Variants in VPS54 observed in about 807,000 individuals in gnomAD.
The protein encoded by VPS54 is VPS54 subunit of GARP complex.
Under a neutral mutation model 121.5 loss-of-function variants are expected in VPS54, and 45 were observed. That is an observed-to-expected ratio of 0.37 (90% CI 0.29 to 0.47). VPS54 has a LOEUF of 0.47. Ranked by LOEUF, VPS54 falls within the 20% of genes least tolerant of loss-of-function variation. The pLI is 0.99. For synonymous variants in VPS54, 371 were observed against 385.8 expected, an observed-to-expected ratio of 0.96 and a Z score of 0.45; for missense variants, 1,090 against 1,131.4, an observed-to-expected ratio of 0.96 and a Z score of 0.52.
At chr2:63,967,505 G>A (rs983879091) in intron 5 of VPS54, among the ~76,000 whole-genome samples, 2 of 151,892 alleles carry the variant, frequency 1.3e-5, no homozygotes, top group African/African-American at 4.8e-5. Flanking sequence ...CTTGAAGTCA[G>A]AAGTTTGAGA....
Position 63,999,666 on chromosome 2 carries a change from C to G in VPS54, c.-20-15647G>C, listed in dbSNP as rs538594249. On this transcript the variant is annotated intron_variant, in intron 1 of 22. Transcript: ENST00000272322. Reference sequence around the variant, plus strand: ...GAGAAGTTCTCTGTTATTATTCCTTCGAATAAACTTTTTACCCCTATCTCT... The same window carrying G: ...GAGAAGTTCTCTGTTATTATTCCTTGGAATAAACTTTTTACCCCTATCTCT... Among the ~76,000 whole-genome samples, 5 of 152,236 alleles carry G rather than the reference C, an allele frequency of 3.3e-5. No homozygotes were observed. The South Asian group carries it at 1.0e-3, about 32-fold the overall frequency.
At chr2:63,928,837 A>G (rs1371132372) in intron 12 of VPS54, among the ~76,000 whole-genome samples, 1 of 107,396 alleles carries the variant, frequency 9.3e-6, no homozygotes, top group Non-Finnish European at 1.7e-5. Flanking sequence ...AATGGAAAGC[A>G]AAAAAAAAAA....
chr2:63,985,854 ACATT>A (rs1677027367), intron 1 of VPS54, among the ~76,000 whole-genome samples: 1 of 152,216 alleles, frequency 6.6e-6, no homozygotes, highest in African/African-American at 2.4e-5. Flanking sequence ...ATATCCACAC[ACATT>A]AAGTGTATGG....
At chr2:63,927,167 C>G (rs1673945438) in intron 12 of VPS54, among the ~76,000 whole-genome samples, 1 of 152,192 alleles carries the variant, frequency 6.6e-6, no homozygotes, top group Admixed American at 6.5e-5. Flanking sequence ...TCTCCCAGCA[C>G]AGTGTTCGAG....
chr2:63,899,418 C>A, intron 21 of VPS54, 56 bp downstream of exon 21: 1 of 1,486,358 alleles, frequency 6.7e-7, no homozygotes. Context: ...CACCCCAATT[C>A]TGTACAGATA....
chr2:63,930,229 A>G (rs1330094640), intron 12 of VPS54, among the ~76,000 whole-genome samples: 1 of 152,234 alleles, frequency 6.6e-6, no homozygotes, highest in Non-Finnish European at 1.5e-5. Flanking sequence ...ATTTTAGGCC[A>G]ATATCCCTGA....
chr2:63,991,876 A>C (rs1575999519), intron 1 of VPS54, among the ~76,000 whole-genome samples: 1 of 152,138 alleles, frequency 6.6e-6, no homozygotes, highest in Non-Finnish European at 1.5e-5. Context: ...TTCTCAGTAC[A>C]ATGCTTGTCC....
In VPS54 at chr2:64,019,224, A is replaced by G. The variant is rs1397135704; in HGVS notation, c.-307T>C. On this transcript the variant is annotated 5_prime_UTR_variant, in exon 1 of 23. Coordinates refer to ENST00000272322, the MANE Select transcript of VPS54 (RefSeq NM_016516.3). ...AGCCAGCAGTTTCCCCCGGGTCCGC[A>G]GCGCCGCCTCCGCCGCTGCTGCCAC... Among the ~76,000 whole-genome samples, 3 of 149,578 alleles carry G rather than the reference A, an allele frequency of 2.0e-5. No individual in the cohort carries two copies. Among genetic ancestry groups the G allele is most frequent in the African/African-American group, 7.3e-5 (3 of 40,886 alleles).
chr2:63,994,617 G>A (rs1019673219), intron 1 of VPS54, among the ~76,000 whole-genome samples: 1 of 152,216 alleles, frequency 6.6e-6, no homozygotes. Flanking sequence ...AGTCTGGGCT[G>A]CTTATCTTCC....
At chr2:63,921,491 C>CA (rs1364694925) in intron 12 of VPS54, among the ~76,000 whole-genome samples, 156 bp from the exon 13 acceptor site, 1 of 152,074 alleles carries the variant, frequency 6.6e-6, no homozygotes, top group African/African-American at 2.4e-5. Context: ...TATAGTGAAA[C>CA]ATTACTTAAA....
intron 1 of VPS54, among the ~76,000 whole-genome samples, chr2:64,005,455 G>A (rs1297479460): frequency 3.3e-5 from 5 of 152,094 alleles, no homozygotes; most frequent in Admixed American, 2.6e-4. Flanking sequence ...CAATAAATGA[G>A]CATAAATTAA....
At chr2:63,972,633 C>T (rs972277879) in intron 3 of VPS54, among the ~76,000 whole-genome samples, 59 of 152,220 alleles carry the variant, frequency 3.9e-4, no homozygotes, top group Non-Finnish European at 2.2e-4. Context: ...CACCTGTAAT[C>T]TCAGCACTTT....
rs35629837 is a variant in VPS54 at position 64,008,413 on chromosome 2, C to CA, written c.-21+10524dup. Among the ~76,000 whole-genome samples, 165 of 135,714 alleles carry CA rather than the reference C, an allele frequency of 1.2e-3. 3 individuals carry two copies. The highest frequency in any genetic ancestry group is 0.01 in the East Asian group (43 of 4,168). The allele number at this position is 135,714 out of a possible 152,430, so 89.0% of individuals were successfully genotyped here. A position where few individuals can be genotyped will look rare whatever the true frequency, so the allele number is the denominator to read the frequency against. ...TGGGTGACAGAGCGCGACTCCGTCT[C>CA]AAAAAAAAAAAAAAGGAACAAGTAA... On this transcript the variant is annotated intron_variant, in intron 1 of 22. Coordinates refer to ENST00000272322, the MANE Select transcript of VPS54 (RefSeq NM_016516.3).
At chr2:63,961,380 G>C (rs939113433) in intron 7 of VPS54, among the ~76,000 whole-genome samples, 7 of 152,136 alleles carry the variant, frequency 4.6e-5, no homozygotes, top group African/African-American at 1.7e-4. Context: ...TTAAGTTACA[G>C]AGCACATCTT....
chr2:64,009,596 G>A (rs1045323506), intron 1 of VPS54, among the ~76,000 whole-genome samples: 2 of 152,048 alleles, frequency 1.3e-5, no homozygotes, highest in South Asian at 4.2e-4. Flanking sequence ...GATTACAGGC[G>A]TGAGCCACCA....
rs562777208 is a variant in VPS54, at chr2:63,991,332, A to G, written c.-20-7313T>C. ...CTTTTTCATATGTTAGCTTTTGAAA[A>G]TGTGAACCATGAGTGTAAAATGGCC... On this transcript the variant is annotated intron_variant, in intron 1 of 22. Coordinates refer to ENST00000272322, the MANE Select transcript of VPS54 (RefSeq NM_016516.3). 1.7e-4 allele frequency among the ~76,000 whole-genome samples: 26 copies of G among 152,328 alleles called. No individual in the cohort carries two copies. In the South Asian group the frequency reaches 4.8e-3, roughly 28 times the overall value.
At chr2:63,936,068 A>G (rs535558484) in intron 11 of VPS54, among the ~76,000 whole-genome samples, 68 of 152,334 alleles carry the variant, frequency 4.5e-4, no homozygotes, top group African/African-American at 1.5e-3. Context: ...AAAACCATGC[A>G]TGAAGCCCTT....
intron 7 of VPS54, among the ~76,000 whole-genome samples, chr2:63,953,630 G>C (rs1675360965): frequency 6.6e-6 from 1 of 152,092 alleles, no homozygotes; most frequent in Non-Finnish European, 1.5e-5. Flanking sequence ...ATATTTTAAG[G>C]TAAAAACAGC....
At chr2:63,968,557 C>G (rs2104577208) in intron 5 of VPS54, among the ~76,000 whole-genome samples, 1 of 151,694 alleles carries the variant, frequency 6.6e-6, no homozygotes, top group South Asian at 2.1e-4. Context: ...ACTAAAAATA[C>G]AAAACAAAAA....
Sources: gnomAD v4.1 joint callset for allele counts (sites outside exome capture counted in the v4.1 genomes callset) on GRCh38, gnomAD v4.1.1 for gene constraint, MANE v1.5 for transcripts, NCBI Gene and HGNC (gene_info 2026-07-23, HGNC 2026-07-21) for gene names.